Variants in AGBL1 observed in about 807,000 individuals in gnomAD.
AGBL1 encodes AGBL carboxypeptidase 1.
In AGBL1, 130 loss-of-function variants were observed where a neutral mutation model predicts 118.9. The observed-to-expected ratio is 1.09, with a 90% CI of 0.95 to 1.26. The LOEUF (loss-of-function observed/expected upper bound fraction) is 1.26. Ranked by LOEUF, AGBL1 falls within the 50% of genes most tolerant of loss-of-function variation. AGBL1 has a pLI of 0.00. For synonymous variants in AGBL1, 555 were observed against 478.9 expected (o/e 1.16, Z -2.08); for missense variants, 1,584 against 1,298.1 (o/e 1.22, Z -3.38).
chr15:86,161,512 C>A (rs536669169), intron 5 of AGBL1, among the ~76,000 whole-genome samples: 1 of 152,310 alleles, frequency 6.6e-6, no homozygotes, highest in African/African-American at 2.4e-5. Flanking sequence ...TCTTAAGCCA[C>A]CACTGGCGTA....
intron 21 of AGBL1, among the ~76,000 whole-genome samples, chr15:86,625,800 T>TA (rs1439243358): frequency 6.6e-6 from 1 of 152,062 alleles, no homozygotes; most frequent in Non-Finnish European, 1.5e-5. Flanking sequence ...GCAAAAGACA[T>TA]GCAACCCTAG....
chr15:86,436,959 C>G (rs2082007446), intron 18 of AGBL1, among the ~76,000 whole-genome samples: 2 of 151,130 alleles, frequency 1.3e-5, no homozygotes, highest in Admixed American at 1.3e-4. Flanking sequence ...CTTGCCAAAT[C>G]TTGAAAAAGC....
intron 6 of AGBL1, among the ~76,000 whole-genome samples, chr15:86,244,333 C>T (rs1399817575): frequency 6.6e-6 from 1 of 152,082 alleles, no homozygotes; most frequent in Admixed American, 6.6e-5. Flanking sequence ...TGCAAAGCAG[C>T]GCCTTCCTCT....
Position 86,294,377 on chromosome 15 carries a change from T to A in AGBL1, c.2221-878T>A, listed in dbSNP as rs376788064. On this transcript the variant is annotated intron_variant, in intron 16 of 22. Transcript: ENST00000614907. Reference sequence around the variant, plus strand: ...TTGCGCCACTGCACTCCAGCCTGCCTGGTTGACAGAGTGAGACTTTGTCTC... The same window carrying A: ...TTGCGCCACTGCACTCCAGCCTGCCAGGTTGACAGAGTGAGACTTTGTCTC... Among the ~76,000 whole-genome samples, 27 of 122,628 alleles carry A rather than the reference T, an allele frequency of 2.2e-4. No individual in the cohort carries two copies. In the South Asian group the frequency reaches 7.1e-3, roughly 32 times the overall value. The allele number at this position is 122,628 out of a possible 152,430, so 80.4% of individuals were successfully genotyped here.
Position 86,345,765 on chromosome 15 carries a change from A to G in AGBL1, c.2374+50357A>G, listed in dbSNP as rs867054884. Among the ~76,000 whole-genome samples the G allele has an allele frequency of 4.6e-5, 7 of 152,234 alleles. No homozygotes were observed. The South Asian group carries it at 1.4e-3, about 32-fold the overall frequency. ...TAAGTGACAGAATGAATAGATGGAT[A>G]GATCATCCATCTTCAGTGAGTGAAT... On this transcript the variant is annotated intron_variant, in intron 17 of 22. Transcript: ENST00000614907.
At chr15:86,249,054 T>A (rs1366827365) in intron 7 of AGBL1, among the ~76,000 whole-genome samples, 1 of 152,174 alleles carries the variant, frequency 6.6e-6, no homozygotes, top group African/African-American at 2.4e-5. Context: ...ATTCCTGGAT[T>A]TCAACCTAAA....
At chr15:86,808,408 T>C (rs1011057906) in intron 22 of AGBL1, among the ~76,000 whole-genome samples, 2 of 152,182 alleles carry the variant, frequency 1.3e-5, no homozygotes, top group Non-Finnish European at 1.5e-5. Context: ...TAAGTTCTTG[T>C]ATCCACATCT....
At chr15:86,545,516 C>A (rs1048504182) in intron 19 of AGBL1, among the ~76,000 whole-genome samples, 92 of 152,116 alleles carry the variant, frequency 6.0e-4, no homozygotes, top group African/African-American at 2.1e-3. Context: ...AAGCCTAGTA[C>A]CCATTAGTTA....
chr15:86,999,115 TC>T (rs2081408648), intron 24 of AGBL1, among the ~76,000 whole-genome samples: 1 of 151,040 alleles, frequency 6.6e-6, no homozygotes, highest in South Asian at 2.1e-4. Flanking sequence ...GTTTGTTTTT[TC>T]GTCCTTCGAT....
chr15:86,460,316 T>C (rs1257315151), intron 18 of AGBL1, among the ~76,000 whole-genome samples: 2 of 15,866 alleles, frequency 1.3e-4, no homozygotes, highest in South Asian at 2.3e-3. Flanking sequence ...ACCCTATCTC[T>C]ACAAAAAAAA....
chr15:86,695,460 T>C (rs866383414), intron 22 of AGBL1, among the ~76,000 whole-genome samples: 10 of 152,220 alleles, frequency 6.6e-5, no homozygotes, highest in South Asian at 2.1e-4. Context: ...CGTTTCTAAT[T>C]GAGTTCACTT....
chr15:86,748,065 T>C (rs55896810), intron 22 of AGBL1, among the ~76,000 whole-genome samples: 30,454 of 151,922 alleles, frequency 0.2, 3,180 homozygotes, highest in East Asian at 0.28. Context: ...CTGTCTTCCA[T>C]CATGGTTGAA....
At position 86,647,632 on chromosome 15, in the gene AGBL1, C is replaced by T. The variant is rs144276385; in HGVS notation, c.2995-26641C>T. On this transcript the variant is annotated intron_variant, in intron 21 of 22. Transcript: ENST00000614907. ...AGGAGAATTGCTTGAACCTAGGAGG[C>T]GGAGGTTGCAGTGAGCCGAAATCAC... 2.2e-3 allele frequency among the ~76,000 whole-genome samples: 341 copies of T among 152,108 alleles called. 1 individual carries two copies. The highest frequency in any genetic ancestry group is 7.2e-3 in the African/African-American group (297 of 41,488).
At chr15:86,921,568 G>T (rs1454058445) in intron 23 of AGBL1, among the ~76,000 whole-genome samples, 2 of 152,176 alleles carry the variant, frequency 1.3e-5, no homozygotes, top group Non-Finnish European at 2.9e-5. Flanking sequence ...AATTTCCCTG[G>T]AAGAAACTCA....
chr15:86,474,596 G>C (rs2082527022), intron 18 of AGBL1, among the ~76,000 whole-genome samples: 1 of 152,214 alleles, frequency 6.6e-6, no homozygotes, highest in Non-Finnish European at 1.5e-5. Flanking sequence ...ACTGGGTGGA[G>C]CCCACTGCAG....
intron 17 of AGBL1, among the ~76,000 whole-genome samples, chr15:86,323,161 A>ATTTTTTTTT (rs35325465): frequency 6.8e-6 from 1 of 147,652 alleles, no homozygotes; most frequent in Non-Finnish European, 1.5e-5. Context: ...CAGCATAGTG[A>ATTTTTTTTT]TTTTTTTTTT....
chr15:86,601,359 G>A (rs530345037), intron 21 of AGBL1, among the ~76,000 whole-genome samples: 2 of 152,178 alleles, frequency 1.3e-5, no homozygotes, highest in Non-Finnish European at 2.9e-5. Context: ...ACCTTTCCAA[G>A]TATGTGTTGC....
intron 22 of AGBL1, among the ~76,000 whole-genome samples, chr15:86,723,433 C>A (rs2086765952): frequency 6.6e-6 from 1 of 152,148 alleles, no homozygotes; most frequent in Admixed American, 6.5e-5. Context: ...CATGTTCTCA[C>A]TCCTAGGTGG....
chr15:86,099,964 G>A (rs1190752850), intron 1 of AGBL1, among the ~76,000 whole-genome samples: 13 of 151,878 alleles, frequency 8.6e-5, no homozygotes, highest in Admixed American at 7.2e-4. Flanking sequence ...GTTAACTGTG[G>A]GTTTCTGATA....
Sources: allele counts gnomAD v4.1 joint callset (sites outside exome capture counted in the v4.1 genomes callset), GRCh38; gene constraint gnomAD v4.1.1; transcripts MANE v1.5; gene names NCBI Gene and HGNC (gene_info 2026-07-23, HGNC 2026-07-21).